SLC2A9: variants seen among roughly 807,000 people sequenced by gnomAD.
SLC2A9 encodes solute carrier family 2 member 9, also known as solute carrier family 2, facilitated glucose transporter member 9.
SLC2A9 carries 39 observed loss-of-function variants against 50.6 expected under a neutral mutation model. The observed-to-expected ratio is 0.77, with a 90% CI of 0.60 to 1.01. The LOEUF (loss-of-function observed/expected upper bound fraction) is 1.01, where lower values mean the gene tolerates loss of function less well. SLC2A9 is among the 50% of genes least tolerant of loss of function. The pLI, the probability that SLC2A9 is intolerant of heterozygous loss-of-function variation, is 0.00. For missense variants in SLC2A9, 686 were observed against 677.6 expected, an observed-to-expected ratio of 1.01 and a Z score of -0.14; for synonymous variants, 324 against 276.9, an observed-to-expected ratio of 1.17 and a Z score of -1.69.
At chr4:9,997,788 A>C (rs532830355) in intron 2 of SLC2A9, among the ~76,000 whole-genome samples, 34 of 152,100 alleles carry the variant, frequency 2.2e-4, no homozygotes, top group Admixed American at 4.6e-4. Flanking sequence ...AAAGAAAAAA[A>C]AATGCTCATT....
At chr4:9,783,695 A>G in intron 3 of SLC2A9, 1 of 530,890 alleles carries the variant, frequency 1.9e-6, no homozygotes, top group South Asian at 2.9e-5. Context: ...TGGACCAACG[A>G]TCCTATGAGA....
At chr4:9,774,791 C>T (rs561954121) in intron 1 of SLC2A9, among the ~76,000 whole-genome samples, 47 of 151,714 alleles carry the variant, frequency 3.1e-4, no homozygotes, top group Non-Finnish European at 7.4e-5. Context: ...TTCTTTTTCT[C>T]TATCTTCCTC....
intron 10 of SLC2A9, among the ~76,000 whole-genome samples, chr4:9,861,228 G>A (rs1731575699): frequency 6.6e-6 from 1 of 152,136 alleles, no homozygotes; most frequent in South Asian, 2.1e-4. Context: ...AATCACGGTG[G>A]AAGGCAAAGG....
At chr4:10,005,043 C>T (rs1452168194) in intron 2 of SLC2A9, among the ~76,000 whole-genome samples, 2 of 152,182 alleles carry the variant, frequency 1.3e-5, no homozygotes, top group Admixed American at 6.5e-5. Flanking sequence ...AGGTCTGCTT[C>T]CTCACTACCA....
chr4:10,018,595 C>CAAG (rs1763053287), intron 2 of SLC2A9, among the ~76,000 whole-genome samples: 1 of 98,758 alleles, frequency 1.0e-5, no homozygotes. Context: ...TAGATAACAA[C>CAAG]AACAACAAAA....
downstream of SLC2A9, among the ~76,000 whole-genome samples, chr4:9,776,110 G>T (rs1233377338): frequency 6.6e-6 from 1 of 152,018 alleles, no homozygotes; most frequent in Non-Finnish European, 1.5e-5. Flanking sequence ...GCCACAAACA[G>T]CAAGTGAAAG....
chr4:9,995,792 T>G (rs1194263623), intron 3 of SLC2A9: 1 of 152,186 alleles, frequency 6.6e-6, no homozygotes, highest in Non-Finnish European at 1.5e-5. Context: ...ATTTTACAGA[T>G]AAGAAAATTG....
At chr4:9,818,797 G>A (rs967398991) in intron 3 of SLC2A9, among the ~76,000 whole-genome samples, 1 of 152,148 alleles carries the variant, frequency 6.6e-6, no homozygotes, top group East Asian at 1.9e-4. Context: ...TAGCCCTTGT[G>A]AGTGTGTGTG....
At chr4:9,788,353 G>A (rs1006128981) in intron 3 of SLC2A9, among the ~76,000 whole-genome samples, 1 of 59,624 alleles carries the variant, frequency 1.7e-5, no homozygotes, top group African/African-American at 5.7e-5. Flanking sequence ...CCATGCCCAG[G>A]TAATTTTTTT....
At chr4:9,963,672 C>G (rs1395816614) in intron 5 of SLC2A9, among the ~76,000 whole-genome samples, 1 of 152,058 alleles carries the variant, frequency 6.6e-6, no homozygotes, top group Non-Finnish European at 1.5e-5. Flanking sequence ...TGCAGGATGA[C>G]AACAGTCAGG....
At chr4:9,993,403 TTGA>T (rs1206696988) in intron 3 of SLC2A9, among the ~76,000 whole-genome samples, 5 of 152,094 alleles carry the variant, frequency 3.3e-5, no homozygotes, top group Admixed American at 1.3e-4. Context: ...GATGATGATG[TTGA>T]TGATGATGAC....
At chr4:9,955,191 A>G (rs1751002726) in intron 5 of SLC2A9, among the ~76,000 whole-genome samples, 1 of 152,036 alleles carries the variant, frequency 6.6e-6, no homozygotes, top group South Asian at 2.1e-4. Context: ...CTGGAAGCAT[A>G]ACATATAAAA....
At chr4:9,824,611 T>C (rs184261910), downstream of SLC2A9, among the ~76,000 whole-genome samples, 105 of 152,316 alleles carry the variant, frequency 6.9e-4, no homozygotes, top group East Asian at 5.8e-3. Flanking sequence ...AACTTTACAG[T>C]TAATGCTTTG....
intron 10 of SLC2A9, among the ~76,000 whole-genome samples, chr4:9,848,865 C>A (rs1374573780): frequency 6.6e-6 from 1 of 152,050 alleles, no homozygotes; most frequent in Admixed American, 6.6e-5. Flanking sequence ...CTACCACGCC[C>A]GGCTAATTTT....
chr4:10,017,756 A>G (rs542914816), intron 2 of SLC2A9, among the ~76,000 whole-genome samples: 9 of 152,320 alleles, frequency 5.9e-5, no homozygotes, highest in African/African-American at 2.2e-4. Context: ...TTGTGCTCCA[A>G]GAACCTGGAG....
At chr4:9,794,116 A>G (rs563924820), downstream of SLC2A9, among the ~76,000 whole-genome samples, 3 of 151,508 alleles carry the variant, frequency 2.0e-5, no homozygotes, top group East Asian at 5.8e-4. Flanking sequence ...CATATGCCAC[A>G]TTAGGATTTG....
At chr4:9,828,494 C>A (rs1725501904) in intron 11 of SLC2A9, among the ~76,000 whole-genome samples, 1 of 152,196 alleles carries the variant, frequency 6.6e-6, no homozygotes, top group Admixed American at 6.5e-5. Context: ...CTCACCATGG[C>A]CTCCAAGGCC....
chr4:9,812,066 T>C (rs888244957), intron 3 of SLC2A9, among the ~76,000 whole-genome samples: 1 of 152,218 alleles, frequency 6.6e-6, no homozygotes, highest in South Asian at 2.1e-4. Context: ...ATTATGTCAC[T>C]GGTAACTGAA....
At chr4:9,914,214 G>A (rs1179590236) in intron 7 of SLC2A9, among the ~76,000 whole-genome samples, 1 of 152,164 alleles carries the variant, frequency 6.6e-6, no homozygotes, top group Non-Finnish European at 1.5e-5. Flanking sequence ...ATGGAGCAGG[G>A]CAAGTGGAAT....
Sources: gnomAD v4.1 joint callset for allele counts (sites outside exome capture counted in the v4.1 genomes callset) on GRCh38, gnomAD v4.1.1 for gene constraint, MANE v1.5 for transcripts, NCBI Gene and HGNC (gene_info 2026-07-23, HGNC 2026-07-21) for gene names.